Variants in ACAP2 observed in about 807,000 individuals in gnomAD.
ACAP2 encodes arf-GAP with coiled-coil, ANK repeat and PH domain-containing protein 2.
A neutral mutation model predicts 115.8 loss-of-function variants in ACAP2; 39 were observed. That is an observed-to-expected ratio of 0.34 (90% confidence interval 0.26 to 0.44). ACAP2 has a LOEUF of 0.44. Among genes scored for constraint, ACAP2 ranks in the 20% least tolerant of loss-of-function variants. ACAP2 has a pLI of 1.00. For synonymous variants in ACAP2, 289 were observed against 315.8 expected (o/e 0.92, Z 0.90); for missense variants, 662 against 927.6 (o/e 0.71, Z 3.72).
intron 1 of ACAP2, among the ~76,000 whole-genome samples, chr3:195,411,366 C>T (rs374864878): frequency 9.2e-5 from 14 of 152,100 alleles, no homozygotes; most frequent in Non-Finnish European, 1.6e-4. Context: ...ATAGATAAAA[C>T]GTGAAAGCAA....
At chr3:195,354,270 C>T (rs2898570) in intron 4 of ACAP2, among the ~76,000 whole-genome samples, 125,369 of 151,756 alleles carry the variant, frequency 0.83, 52,004 homozygotes, top group East Asian at 0.94. Flanking sequence ...GTTGATTCCA[C>T]GTCTTTGCTG....
chr3:195,291,607 A>G, intron 20 of ACAP2, 99 bp downstream of exon 20: 1 of 862,324 alleles, frequency 1.2e-6, no homozygotes, highest in Non-Finnish European at 1.7e-6. Context: ...ATCTCTTTAC[A>G]AACACTACCT....
In ACAP2 at chr3:195,289,109, G is replaced by A. The variant is rs1727063498; in HGVS notation, c.2174+12C>T. 6 of 1,591,476 alleles carry A rather than the reference G, an allele frequency of 3.8e-6. No homozygotes were observed. The highest frequency in any genetic ancestry group is 5.1e-6 in the Non-Finnish European group (6 of 1,167,676). ...CTGTATGGAAATAGTCAAGTAAAAA[G>A]GAAGTACTTACAAGGTGACTATATC... is the stretch of plus-strand genomic sequence containing the variant. On this transcript the variant is annotated intron_variant, in intron 21 of 22. Transcript: ENST00000326793.
chr3:195,344,369 C>G lies in ACAP2; in HGVS notation c.344+890G>C, dbSNP rs933254421. Among the ~76,000 whole-genome samples the G allele has an allele frequency of 2.0e-5, 3 of 152,044 alleles. 1 individual carries two copies. Among genetic ancestry groups the G allele is most frequent in the Non-Finnish European group, 4.4e-5 (3 of 68,002 alleles). On this transcript the variant is annotated intron_variant, in intron 5 of 22. Coordinates refer to ENST00000326793, the MANE Select transcript of ACAP2 (RefSeq NM_012287.6). ...ATAATAAACTTTAATTTTATATATT[C>G]CCAGCCAGGAATCAAAAGAGAAAAA...
At chr3:195,284,598 G>A (rs189988607) in intron 22 of ACAP2, among the ~76,000 whole-genome samples, 10 of 152,148 alleles carry the variant, frequency 6.6e-5, no homozygotes, top group South Asian at 6.2e-4. Context: ...TAGTAAATAC[G>A]GTCCTCTGAG....
intron 1 of ACAP2, chr3:195,413,027 T>C: frequency 3.5e-6 from 1 of 284,662 alleles, no homozygotes; most frequent in Non-Finnish European, 7.4e-6. Context: ...AACAGAAGAT[T>C]CCATTTTAAA....
chr3:195,437,163 C>T (rs370572119), intron 1 of ACAP2, among the ~76,000 whole-genome samples: 14 of 152,152 alleles, frequency 9.2e-5, no homozygotes, highest in East Asian at 3.8e-4. Context: ...CCTCCTGCCT[C>T]AGCCTCCTGA....
chr3:195,287,280 CT>C (rs1352080312), intron 21 of ACAP2, among the ~76,000 whole-genome samples: 1 of 152,186 alleles, frequency 6.6e-6, no homozygotes, highest in African/African-American at 2.4e-5. Context: ...TAATAAACTA[CT>C]TTGATCTGAG....
At chr3:195,304,163 CAAAAAAAAAAAAAAAAAAAAAA>C (rs56055597) in intron 13 of ACAP2, among the ~76,000 whole-genome samples, 1 of 63,278 alleles carries the variant, frequency 1.6e-5, no homozygotes, top group Admixed American at 2.6e-4. Flanking sequence ...GACTCCATCT[CAAAAAAAAAAAAAAAAAAAAAA>C]AAAAAAAAAA....
chr3:195,383,369 A>C (rs1195220469), intron 2 of ACAP2, among the ~76,000 whole-genome samples: 2 of 152,116 alleles, frequency 1.3e-5, no homozygotes, highest in African/African-American at 4.8e-5. Flanking sequence ...AGTCAAAAAA[A>C]CAGATACAAA....
chr3:195,336,770 C>G (rs1478194973), intron 7 of ACAP2, 162 bp downstream of exon 7: 7 of 642,624 alleles, frequency 1.1e-5, no homozygotes, highest in African/African-American at 3.7e-5. Context: ...ATGAAGGAGA[C>G]AAAAAGAAGT....
intron 4 of ACAP2, among the ~76,000 whole-genome samples, chr3:195,363,622 TACAC>T (rs546329426): frequency 9.5e-5 from 14 of 147,150 alleles, no homozygotes; most frequent in Non-Finnish European, 1.7e-4. Context: ...TGAAACCACA[TACAC>T]ACACACACAC....
intron 4 of ACAP2, among the ~76,000 whole-genome samples, chr3:195,351,133 C>T (rs62287115): frequency 4.3e-5 from 6 of 140,998 alleles, no homozygotes; most frequent in East Asian, 2.3e-4. Context: ...TTTTTTTGGG[C>T]GGGGGACAGG....
intron 1 of ACAP2, among the ~76,000 whole-genome samples, chr3:195,396,812 A>AAAAAAAAAAAAAAG (rs1711827152): frequency 6.7e-6 from 1 of 149,784 alleles, no homozygotes; most frequent in East Asian, 1.9e-4. Context: ...AAAAAAAAAA[A>AAAAAAAAAAAAAAG]AAGAAGAAGT....
intron 16 of ACAP2, 74 bp downstream of exon 16, chr3:195,297,116 T>C: frequency 7.7e-7 from 1 of 1,302,690 alleles, no homozygotes; most frequent in East Asian, 2.3e-5. Flanking sequence ...CTCAATGTTA[T>C]ATATCAATTA....
chr3:195,419,006 A>T (rs1260627335), intron 1 of ACAP2, among the ~76,000 whole-genome samples: 1 of 152,106 alleles, frequency 6.6e-6, no homozygotes, highest in African/African-American at 2.4e-5. Flanking sequence ...TCTTTGCTTC[A>T]ATTTCCTTTT....
At chr3:195,386,638 G>C (rs1734323612) in intron 2 of ACAP2, among the ~76,000 whole-genome samples, 1 of 152,096 alleles carries the variant, frequency 6.6e-6, no homozygotes, top group Non-Finnish European at 1.5e-5. Flanking sequence ...AGCGGAGCCT[G>C]TCAGGTGCGG....
intron 4 of ACAP2, among the ~76,000 whole-genome samples, chr3:195,359,453 A>G (rs1732201890): frequency 1.3e-5 from 2 of 152,178 alleles, no homozygotes; most frequent in African/African-American, 4.8e-5. Flanking sequence ...ACACAGTGTT[A>G]AAGTATTGAG....
At chr3:195,326,851 G>A in intron 9 of ACAP2, 34 bp downstream of exon 9, 1 of 1,586,634 alleles carries the variant, frequency 6.3e-7, no homozygotes. Context: ...ATTGTATAAA[G>A]TGGAATTAAT....
Sources: allele counts gnomAD v4.1 joint callset (sites outside exome capture counted in the v4.1 genomes callset), GRCh38; gene constraint gnomAD v4.1.1; transcripts MANE v1.5; gene names NCBI Gene and HGNC (gene_info 2026-07-23, HGNC 2026-07-21).